SLCO1A2: variants seen among roughly 807,000 people sequenced by gnomAD.
The protein encoded by SLCO1A2 is solute carrier organic anion transporter family member 1A2.
Under a neutral mutation model 69.0 loss-of-function variants are expected in SLCO1A2, and 67 were observed. That is an observed-to-expected ratio of 0.97 (90% CI 0.80 to 1.19). The LOEUF (loss-of-function observed/expected upper bound fraction) is 1.19. Ranked by LOEUF, SLCO1A2 falls within the 50% of genes most tolerant of loss-of-function variation. The pLI is 0.00. For synonymous variants in SLCO1A2, 260 were observed against 265.9 expected, an observed-to-expected ratio of 0.98 and a Z score of 0.22; for missense variants, 787 against 793.7, an observed-to-expected ratio of 0.99 and a Z score of 0.10.
chr12:21,288,435 C>T (rs1946309048), intron 12 of SLCO1A2, among the ~76,000 whole-genome samples: 1 of 151,520 alleles, frequency 6.6e-6, no homozygotes, highest in Non-Finnish European at 1.5e-5. Flanking sequence ...AATGAGACTC[C>T]ATCTGAGAAA....
At chr12:21,348,670 G>A (rs1439785565) in intron 2 of SLCO1A2, among the ~76,000 whole-genome samples, 1 of 151,912 alleles carries the variant, frequency 6.6e-6, no homozygotes, top group African/African-American at 2.4e-5. Flanking sequence ...ATTTTCCATT[G>A]CACTTTGAGC....
In SLCO1A2 at chr12:21,290,757, T is replaced by C. The variant is rs146496500; in HGVS notation, c.1610+1407A>G. Among the ~76,000 whole-genome samples, 401 of 152,214 alleles carry C rather than the reference T, an allele frequency of 2.6e-3. 2 individuals are homozygous for C. Among genetic ancestry groups the C allele is most frequent in the African/African-American group, 9.2e-3 (381 of 41,550 alleles). ...TAAGTTAGAAATGTGGAAGCAATTT[T>C]AAAAATGTGACTTCTCTTCCAAATA... On this transcript the variant is annotated intron_variant, in intron 12 of 14. Coordinates refer to ENST00000683939, the MANE Select transcript of SLCO1A2 (RefSeq NM_001386879.1).
intron 2 of SLCO1A2, chr12:21,373,677 T>G: frequency 1.4e-6 from 1 of 701,570 alleles, no homozygotes; most frequent in Non-Finnish European, 2.6e-6. Flanking sequence ...TCAAGAAATA[T>G]ACTCTTGGAA....
chr12:21,334,723 A>G lies in SLCO1A2; in HGVS notation c.-62-14T>C. The G allele has an allele frequency of 3.4e-6, 4 of 1,161,420 alleles. No homozygotes were observed. The highest frequency in any genetic ancestry group is 4.9e-6 in the Non-Finnish European group (4 of 813,176). The allele number at this position is 1,161,420 out of a possible 1,614,324, so 71.9% of individuals were successfully genotyped here. A position where few individuals can be genotyped will look rare whatever the true frequency, so the allele number is the denominator to read the frequency against. ...CTTACTTCTACCCTTTCAAGCAAAC[A>G]AAAAAATATGTTAAATTAACTACAA... On this transcript the variant is annotated splice_polypyrimidine_tract_variant and intron_variant, in intron 1 of 14. Coordinates refer to ENST00000683939, the MANE Select transcript of SLCO1A2 (RefSeq NM_001386879.1).
At chr12:21,368,943 G>T (rs1446803658) in intron 2 of SLCO1A2, among the ~76,000 whole-genome samples, 1 of 152,032 alleles carries the variant, frequency 6.6e-6, no homozygotes. Context: ...AGAGTGTCCA[G>T]AGAAGTAAAT....
chr12:21,272,853 A>C (rs940809340), intron 14 of SLCO1A2, among the ~76,000 whole-genome samples: 8 of 152,126 alleles, frequency 5.3e-5, no homozygotes, highest in Non-Finnish European at 1.2e-4. Context: ...GGTTGGAATA[A>C]ATCTAATTAA....
rs112210453 is a variant in SLCO1A2, at chr12:21,360,845, G to A, written c.-63+13554C>T. ...GCAGCAGCAAGGCTGGGGGAGGGGC[G>A]TCCGCCATTGCTGAGGCTTGAGAAG... On this transcript the variant is annotated intron_variant, in intron 2 of 15. Coordinates refer to the SLCO1A2 transcript ENST00000307378. Among the ~76,000 whole-genome samples, 836 of 152,302 alleles carry A rather than the reference G, an allele frequency of 5.5e-3. 8 individuals are homozygous for A. Among genetic ancestry groups the A allele is most frequent in the African/African-American group, 0.016 (652 of 41,560 alleles).
intron 12 of SLCO1A2, among the ~76,000 whole-genome samples, chr12:21,287,046 AAGAAACTACCATC>A (rs1244291567): frequency 4.6e-5 from 6 of 130,110 alleles, no homozygotes; most frequent in African/African-American, 1.5e-4. Context: ...TGCACAGCAA[AAGAAACTACCATC>A]AGAGTGAACA....
rs963717069 is a variant in SLCO1A2, at chr12:21,269,599, T to C, written c.1962A>G (p.Ile654Met). The change falls in exon 15 of 15, where the codon ATA becomes ATG. Residue 654 changes from isoleucine to methionine, a missense_variant. Transcript: ENST00000683939. ...VKGKENECKD[I>M]YQKSTVLKDD... ...CTTTCAAAACCGTGGACTTTTGGTATATATCTTTGCACTCATTTTCCTTCC... is the reference window on the plus strand; with the variant it reads ...CTTTCAAAACCGTGGACTTTTGGTACATATCTTTGCACTCATTTTCCTTCC... The C allele has an allele frequency of 1.1e-5, 18 of 1,612,482 alleles. No individual in the cohort carries two copies. The highest frequency in any genetic ancestry group is 1.5e-5 in the Non-Finnish European group (18 of 1,178,944).
chr12:21,383,588 G>A (rs564887901), intron 1 of SLCO1A2, among the ~76,000 whole-genome samples: 60 of 151,940 alleles, frequency 3.9e-4, no homozygotes, highest in African/African-American at 1.3e-3. Context: ...GATTCTTTCC[G>A]TCATACATAG....
intron 1 of SLCO1A2, among the ~76,000 whole-genome samples, chr12:21,377,578 G>T (rs945315243): frequency 1.3e-5 from 2 of 151,958 alleles, no homozygotes; most frequent in African/African-American, 2.4e-5. Context: ...CCTCTCCCTT[G>T]CCCCTGATAA....
exon 2 of SLCO1A2, chr12:21,374,521 A>G (rs1940044182): frequency 6.6e-6 from 1 of 152,232 alleles, no homozygotes; most frequent in Admixed American, 6.5e-5. Flanking sequence ...AGATTTCTAC[A>G]GCACCTACGT....
At chr12:21,372,687 TG>T (rs1314226861) in intron 2 of SLCO1A2, among the ~76,000 whole-genome samples, 8 of 152,350 alleles carry the variant, frequency 5.3e-5, no homozygotes, top group African/African-American at 1.9e-4. Flanking sequence ...CTGCTGTGTA[TG>T]ACACACCATT....
At chr12:21,418,722 C>A (rs1989390), upstream of SLCO1A2, among the ~76,000 whole-genome samples, 114,711 of 151,928 alleles carry the variant, frequency 0.76, 43,870 homozygotes, top group Non-Finnish European at 0.82. Flanking sequence ...AGCTACAACT[C>A]AAGATGAGAT....
intron 1 of SLCO1A2, among the ~76,000 whole-genome samples, chr12:21,415,742 T>C (rs1008579080): frequency 1.3e-5 from 2 of 152,130 alleles, no homozygotes; most frequent in Non-Finnish European, 2.9e-5. Flanking sequence ...TTCACTATAG[T>C]ATATGTGTAT....
At chr12:21,272,630 C>CA (rs1943082727) in intron 14 of SLCO1A2, among the ~76,000 whole-genome samples, 1 of 151,858 alleles carries the variant, frequency 6.6e-6, no homozygotes, top group Non-Finnish European at 1.5e-5. Context: ...TAGATCTTTT[C>CA]AAAACCTTAT....
At chr12:21,316,598 A>G (rs1397841351) in intron 3 of SLCO1A2, among the ~76,000 whole-genome samples, 3 of 146,994 alleles carry the variant, frequency 2.0e-5, no homozygotes, top group Admixed American at 6.8e-5. Flanking sequence ...TCATAATACC[A>G]TTTTCTCCTA....
intron 2 of SLCO1A2, among the ~76,000 whole-genome samples, chr12:21,362,816 A>G (rs1379073305): frequency 1.3e-5 from 2 of 152,220 alleles, no homozygotes; most frequent in Non-Finnish European, 2.9e-5. Context: ...ACATAATGGT[A>G]ACAGGATCAA....
rs556781807 is a variant in SLCO1A2 at position 21,303,475 on chromosome 12, C to A, written c.589+952G>T. 5.3e-5 allele frequency among the ~76,000 whole-genome samples: 8 copies of A among 152,248 alleles called. No homozygotes were observed. In the South Asian group the frequency reaches 1.7e-3, roughly 32 times the overall value. ...GTTAATGATCCCTCAATATTTTCAT[C>A]CATCTGGATTATGTGTAATCATTTC... On this transcript the variant is annotated intron_variant, in intron 6 of 14. Coordinates refer to ENST00000683939, the MANE Select transcript of SLCO1A2 (RefSeq NM_001386879.1).
Sources: gnomAD v4.1 joint callset for allele counts (sites outside exome capture counted in the v4.1 genomes callset) on GRCh38, gnomAD v4.1.1 for gene constraint, MANE v1.5 for transcripts, NCBI Gene and HGNC (gene_info 2026-07-23, HGNC 2026-07-21) for gene names.